Variants in DHX29 observed in about 807,000 individuals in gnomAD.
DHX29 encodes the protein DExH-box helicase 29.
A neutral mutation model predicts 167.9 loss-of-function variants in DHX29; 79 were observed. The observed-to-expected ratio is 0.47, with a 90% confidence interval of 0.39 to 0.57. The LOEUF (loss-of-function observed/expected upper bound fraction) is 0.57, where lower values mean the gene tolerates loss of function less well. DHX29 is among the 20% of genes least tolerant of loss of function. The pLI is 0.00. For synonymous variants in DHX29, 530 were observed against 546.0 expected (o/e 0.97, Z 0.41); for missense variants, 1,347 against 1,593.4 (o/e 0.85, Z 2.63).
intron 12 of DHX29, among the ~76,000 whole-genome samples, chr5:55,279,889 G>GA (rs1175076720): frequency 2.0e-5 from 3 of 150,998 alleles, no homozygotes; most frequent in African/African-American, 7.3e-5. Flanking sequence ...TTTTTTAAAG[G>GA]AAAAAAATAA....
intron 10 of DHX29, 83 bp downstream of exon 10, chr5:55,285,210 G>A: frequency 6.5e-7 from 1 of 1,544,816 alleles, no homozygotes; most frequent in East Asian, 2.3e-5. Flanking sequence ...TTAATCAGAA[G>A]AAACAGTCAA....
At chr5:55,287,451 C>T (rs1747795018) in intron 8 of DHX29, among the ~76,000 whole-genome samples, 1 of 151,784 alleles carries the variant, frequency 6.6e-6, no homozygotes, top group African/African-American at 2.4e-5. Flanking sequence ...AAAAAAAATC[C>T]CCCACAAAAA....
chr5:55,283,846 A>G, intron 10 of DHX29, 35 bp from the exon 11 acceptor site: 1 of 1,512,206 alleles, frequency 6.6e-7, no homozygotes, highest in Non-Finnish European at 8.8e-7. Context: ...ATTTTCACTA[A>G]CTATTCAATA....
chr5:55,294,754 T>C (rs2111953894), intron 5 of DHX29: 1 of 152,668 alleles, frequency 6.6e-6, no homozygotes, highest in Non-Finnish European at 1.5e-5. Flanking sequence ...TTCGTAGACG[T>C]TTTACAATAT....
intron 11 of DHX29, among the ~76,000 whole-genome samples, chr5:55,282,626 GTT>G (rs1479500108): frequency 6.6e-6 from 1 of 152,138 alleles, no homozygotes; most frequent in African/African-American, 2.4e-5. Context: ...GTTCTAACTA[GTT>G]TAATTAATTA....
At chr5:55,287,957 A>G (rs1747828003) in intron 8 of DHX29, among the ~76,000 whole-genome samples, 2 of 151,454 alleles carry the variant, frequency 1.3e-5, no homozygotes, top group Admixed American at 6.6e-5. Context: ...AAAAAAAAGA[A>G]AGAAAGAAAA....
chr5:55,274,651 C>G lies in DHX29; in HGVS notation c.2653G>C (p.Asp885His). 3.7e-6 allele frequency: 6 copies of G among 1,603,956 alleles called. No homozygotes were observed. The highest frequency in any genetic ancestry group is 5.1e-6 in the Non-Finnish European group (6 of 1,176,378). ...PGLAHIQQLYDLLSNDRRFYS... is the reference protein window; with the variant it reads ...PGLAHIQQLYHLLSNDRRFYS... ...AATCTTCTATCATTTGATAGAAGAT[C>G]ATACAACTGCTGAATATGAGCAAGT... Residue 885 changes from aspartate to histidine, a missense_variant, in exon 16 of 27, where the codon GAT becomes CAT. This residue lies in a region of DHX29 where 882 missense variants were observed against 1,082.4 expected (regional missense o/e 0.81). Transcript: ENST00000251636.
At chr5:55,268,926 A>T (rs1339981026) in intron 21 of DHX29, among the ~76,000 whole-genome samples, 2 of 152,204 alleles carry the variant, frequency 1.3e-5, no homozygotes, top group Non-Finnish European at 2.9e-5. Flanking sequence ...GGTTGAAAAC[A>T]AAAGTTTAGA....
chr5:55,266,470 T>C (rs998273950), intron 23 of DHX29, among the ~76,000 whole-genome samples: 9 of 151,348 alleles, frequency 5.9e-5, no homozygotes, highest in African/African-American at 2.2e-4. Flanking sequence ...CCACCACACC[T>C]GGCTAATTTT....
At position 55,283,728 on chromosome 5, in the gene DHX29, A is replaced by C; in HGVS notation, c.1440T>G (p.Asn480Lys). The C allele has an allele frequency of 6.2e-7, 1 of 1,613,720 alleles. No homozygotes were observed. The highest frequency in any genetic ancestry group is 8.5e-7 in the Non-Finnish European group (1 of 1,179,922). Reference sequence around the variant, plus strand: ...CACGTGGTTTATTGGTTTCCATTTTATTTAATTCTTCCCTTTTCTTTTCTG... The same window carrying C: ...CACGTGGTTTATTGGTTTCCATTTTCTTTAATTCTTCCCTTTTCTTTTCTG... ...SDAEKKREEL[N>K]KMETNKPRDL... Residue 480 changes from asparagine (N) to lysine (K), a missense_variant, in exon 11 of 27, where the codon AAT becomes AAG. This residue lies in a region of DHX29 where 882 missense variants were observed against 1,082.4 expected (regional missense o/e 0.81). Coordinates refer to ENST00000251636, the MANE Select transcript of DHX29 (RefSeq NM_019030.4).
chr5:55,293,982 A>C, intron 6 of DHX29, 35 bp downstream of exon 6: 1 of 1,591,846 alleles, frequency 6.3e-7, no homozygotes. Flanking sequence ...GCTTAAGAGC[A>C]TCCAGTTAGA....
chr5:55,300,452 C>T (rs1748542751), intron 1 of DHX29, among the ~76,000 whole-genome samples: 1 of 152,172 alleles, frequency 6.6e-6, no homozygotes. Context: ...GCGGGCAGAT[C>T]ACATGAGGTC....
intron 22 of DHX29, 81 bp from the exon 23 acceptor site, chr5:55,267,312 G>A: frequency 9.9e-7 from 1 of 1,007,422 alleles, no homozygotes; most frequent in Admixed American, 2.5e-5. Context: ...AGTAACCAAA[G>A]TAAGATTTAA....
At chr5:55,281,037 C>A (rs1747375607) in intron 12 of DHX29, among the ~76,000 whole-genome samples, 1 of 150,112 alleles carries the variant, frequency 6.7e-6, no homozygotes, top group African/African-American at 2.5e-5. Context: ...TATGTATACA[C>A]ACACACACAC....
At chr5:55,274,520 G>A (rs764044560) in intron 16 of DHX29, 94 bp downstream of exon 16, 114 of 920,114 alleles carry the variant, frequency 1.2e-4, no homozygotes, top group Non-Finnish European at 1.8e-4. Context: ...AACCCATGGT[G>A]AAAAGACTTT....
At chr5:55,261,315 G>A in intron 25 of DHX29, 53 bp downstream of exon 25, 1 of 972,856 alleles carries the variant, frequency 1.0e-6, no homozygotes, top group African/African-American at 1.7e-5. Flanking sequence ...TACCTCAATG[G>A]TACTGGAAGT....
chr5:55,290,647 C>G (rs1221288427), intron 6 of DHX29, among the ~76,000 whole-genome samples: 1 of 152,136 alleles, frequency 6.6e-6, no homozygotes, highest in African/African-American at 2.4e-5. Context: ...GAGGGTGACC[C>G]ACATGGAGAA....
At position 55,307,408 on chromosome 5, in the gene DHX29, T is replaced by G. The variant is rs1008536804; in HGVS notation, c.166A>C (p.Arg56=). ...ATAAAAAAGS[R]EPRVKQGPKI... ...GTACCTTGCTTGACACGGGGCTCCCTGGAGCCGGCAGCGGCAGCGGCAGCG... is the reference window on the plus strand; with the variant it reads ...GTACCTTGCTTGACACGGGGCTCCCGGGAGCCGGCAGCGGCAGCGGCAGCG... The change falls in exon 1 of 27, where the codon AGG becomes CGG. Residue 56 remains arginine (R), a synonymous_variant. Transcript: ENST00000251636. The G allele has an allele frequency of 6.2e-7, 1 of 1,612,906 alleles. No homozygotes were observed. Among genetic ancestry groups the G allele is most frequent in the Non-Finnish European group, 8.5e-7 (1 of 1,179,742 alleles).
intron 12 of DHX29, 111 bp downstream of exon 12, chr5:55,281,258 AAGG>A: frequency 1.3e-6 from 1 of 770,642 alleles, no homozygotes; most frequent in Non-Finnish European, 1.8e-6. Context: ...TATTATATAT[AAGG>A]TATATAATAA....
Sources: allele counts gnomAD v4.1 joint callset (sites outside exome capture counted in the v4.1 genomes callset), GRCh38; gene constraint gnomAD v4.1.1; regional missense constraint gnomAD v4.1.1; transcripts MANE v1.5; gene names NCBI Gene and HGNC (gene_info 2026-07-23, HGNC 2026-07-21).